The following ABCD2 variants were observed in gnomAD, a reference collection of about 807,000 sequenced individuals.
The protein encoded by ABCD2 is ATP binding cassette subfamily D member 2, also known as ATP-binding cassette sub-family D member 2.
A neutral mutation model predicts 70.9 loss-of-function variants in ABCD2; 36 were observed. The ratio of observed to expected loss-of-function variants is 0.51; its 90% CI spans 0.39 to 0.67. ABCD2 has a LOEUF of 0.67. ABCD2 is among the 30% of genes least tolerant of loss of function. ABCD2 has a pLI of 0.00. For synonymous variants in ABCD2, 304 were observed against 306.9 expected, an observed-to-expected ratio of 0.99 and a Z score of 0.10; for missense variants, 729 against 890.2, an observed-to-expected ratio of 0.82 and a Z score of 2.30.
intron 2 of ABCD2, among the ~76,000 whole-genome samples, chr12:39,614,559 T>C (rs561268839): frequency 8.6e-5 from 13 of 152,042 alleles, no homozygotes; most frequent in African/African-American, 3.1e-4. Context: ...TACCTTTTTT[T>C]TTTGCCTTAA....
At chr12:39,567,104 T>G (rs907880162) in intron 9 of ABCD2, among the ~76,000 whole-genome samples, 1 of 152,196 alleles carries the variant, frequency 6.6e-6, no homozygotes, top group African/African-American at 2.4e-5. Context: ...GAATGTATAT[T>G]GTGTTGATTT....
chr12:39,554,328 A>G (rs1262961842), intron 9 of ABCD2, among the ~76,000 whole-genome samples, 197 bp from the exon 10 acceptor site: 1 of 152,128 alleles, frequency 6.6e-6, no homozygotes, highest in African/African-American at 2.4e-5. Context: ...GATCTTTAGG[A>G]AAATATTATT....
chr12:39,592,234 T>A (rs1941756147), intron 6 of ABCD2, among the ~76,000 whole-genome samples: 1 of 152,224 alleles, frequency 6.6e-6, no homozygotes. Context: ...TACTAAGCCT[T>A]CCTTGTGGTT....
At chr12:39,573,997 C>A (rs921867072) in intron 8 of ABCD2, among the ~76,000 whole-genome samples, 156 bp from the exon 9 acceptor site, 17 of 150,508 alleles carry the variant, frequency 1.1e-4, no homozygotes, top group African/African-American at 4.3e-4. Context: ...AAGTAGTTGT[C>A]CCCTTCTTTG....
chr12:39,583,183 T>C (rs1214188045), intron 7 of ABCD2, among the ~76,000 whole-genome samples: 2 of 152,332 alleles, frequency 1.3e-5, no homozygotes, highest in East Asian at 3.9e-4. Context: ...TGTGTACTCA[T>C]ATGCCACTGT....
At chr12:39,541,497 G>T in the ABCD2 span, among the ~76,000 whole-genome samples, 1 of 152,172 alleles carries the variant, frequency 6.6e-6, no homozygotes, top group Non-Finnish European at 1.5e-5. Context: ...TCAAGAAGAG[G>T]CTTGAGGAGA....
intron 4 of ABCD2, 57 bp from the exon 5 acceptor site, chr12:39,604,063 A>T: frequency 8.0e-7 from 1 of 1,250,716 alleles, no homozygotes; most frequent in East Asian, 2.3e-5. Context: ...TGATTAAATA[A>T]CGTAAATTAT....
In ABCD2 at chr12:39,604,817, A is replaced by T. The variant is rs764045904; in HGVS notation, c.1350T>A (p.His450Gln). 2 of 1,612,238 alleles carry T rather than the reference A, an allele frequency of 1.2e-6. No homozygotes were observed. Among genetic ancestry groups the T allele is most frequent in the Non-Finnish European group, 8.5e-7 (1 of 1,179,102 alleles). ...RTAVIQESES[H>Q]SKNGAKVELP... ...ATTCTACCTTAGCTCCATTCTTGCT[A>T]TGGCTTTCAGATTCTTGAATGACAG... The change falls in exon 4 of 10, where the codon CAT becomes CAA. Residue 450 changes from histidine (H) to glutamine (Q), a missense_variant. By Grantham distance (24) the His-to-Gln change is conservative. Around this residue, in one of 3 missense-constraint regions of ABCD2, gnomAD observed 195 missense variants for 300.2 expected, o/e 0.65. Coordinates refer to ENST00000308666, the MANE Select transcript of ABCD2 (RefSeq NM_005164.4).
intron 9 of ABCD2, among the ~76,000 whole-genome samples, chr12:39,557,001 T>A (rs565629665): frequency 6.6e-6 from 1 of 150,982 alleles, no homozygotes; most frequent in Non-Finnish European, 1.5e-5. Context: ...AAAAAAAGAT[T>A]CCCAAAAATG....
intron 6 of ABCD2, among the ~76,000 whole-genome samples, chr12:39,591,477 C>T (rs1009919100): frequency 1.1e-4 from 16 of 151,990 alleles, no homozygotes; most frequent in African/African-American, 3.9e-4. Flanking sequence ...TTTGGGAGGC[C>T]AAGCTGGGTG....
rs397850115 is a variant in ABCD2, at chr12:39,589,384, G to GTT, written c.1647-3089_1647-3088dup. Among the ~76,000 whole-genome samples, 878 of 125,104 alleles carry GTT rather than the reference G, an allele frequency of 7.0e-3. 13 individuals are homozygous for GTT. Among genetic ancestry groups the GTT allele is most frequent in the South Asian group, 0.019 (77 of 3,958 alleles). 82.1% of individuals were successfully genotyped at this position (125,104 alleles called of 152,430 possible). A position where few individuals can be genotyped will look rare whatever the true frequency, so the allele number is the denominator to read the frequency against. ...CAAATATAAGGAAGCTTTGGTCTGG[G>GTT]TTTTTTTTTTTTTTTTTTTTGAGAC... On this transcript the variant is annotated intron_variant, in intron 6 of 9. Coordinates refer to ENST00000308666, the MANE Select transcript of ABCD2 (RefSeq NM_005164.4).
At chr12:39,532,392 A>G in the ABCD2 span, among the ~76,000 whole-genome samples, 5 of 152,332 alleles carry the variant, frequency 3.3e-5, no homozygotes, top group South Asian at 6.2e-4. Flanking sequence ...TAATCACACA[A>G]ATACAAAGTA....
At chr12:39,600,411 G>A (rs957983029) in intron 6 of ABCD2, among the ~76,000 whole-genome samples, 160 bp downstream of exon 6, 5 of 152,016 alleles carry the variant, frequency 3.3e-5, no homozygotes, top group African/African-American at 1.2e-4. Flanking sequence ...TACAATCAAA[G>A]CAGTAATAAA....
chr12:39,554,012 G>A lies in ABCD2; in HGVS notation c.2123C>T (p.Ala708Val). ...EEKQKLESQL[A>V]GIPKMQQRLN... ...TCTCTGCTGCATTTTGGGAATTCCA[G>A]CTAGCTGAGATTCTAGCTTTTGTTT... Residue 708 changes from alanine to valine, a missense_variant, in exon 10 of 10, where the codon GCT becomes GTT. Physicochemically the swap from Ala to Val is moderately conservative, Grantham distance 64. This residue lies in a region of ABCD2 where 289 missense variants were observed against 328.8 expected (regional missense o/e 0.88). Transcript: ENST00000308666. The A allele has an allele frequency of 6.2e-7, 1 of 1,613,488 alleles. No homozygotes were observed. The highest frequency in any genetic ancestry group is 1.1e-5 in the South Asian group (1 of 91,060).
At chr12:39,540,055 C>T in the ABCD2 span, among the ~76,000 whole-genome samples, 4 of 152,334 alleles carry the variant, frequency 2.6e-5, 1 homozygote, top group South Asian at 6.2e-4. Context: ...TGAGTGCTCA[C>T]AGACAGTTGG....
Position 39,617,157 on chromosome 12 carries a change from T to C in ABCD2, c.951A>G (p.Lys317=). 1 of 1,596,184 alleles carries C rather than the reference T, an allele frequency of 6.3e-7. No individual in the cohort carries two copies. ...AFYRGHKVEM[K]QLQKSYKALA... is the part of the protein sequence containing the mutation. ...AAGCTTTGTAACTTTTCTGAAGTTG[T>C]TTCATTTCTACCTATAGAGAGGAAA... The change falls in exon 2 of 10, where the codon AAA becomes AAG. Residue 317 remains lysine, a synonymous_variant. Coordinates refer to ENST00000308666, the MANE Select transcript of ABCD2 (RefSeq NM_005164.4).
the ABCD2 span, among the ~76,000 whole-genome samples, chr12:39,540,410 C>T: frequency 1.3e-5 from 2 of 152,262 alleles, no homozygotes; most frequent in Middle Eastern, 3.4e-3. Context: ...CATAGCATTA[C>T]GTGACAAAGA....
chr12:39,543,803 G>C, the ABCD2 span, among the ~76,000 whole-genome samples: 10,334 of 152,114 alleles, frequency 0.068, 537 homozygotes, highest in South Asian at 0.28. Context: ...CAGTCATTCT[G>C]TTACTTATTC....
intron 9 of ABCD2, among the ~76,000 whole-genome samples, chr12:39,571,106 T>C (rs536213983): frequency 7.2e-5 from 11 of 152,204 alleles, no homozygotes; most frequent in African/African-American, 2.2e-4. Context: ...AAGGGAACTC[T>C]TACACACCTT....
Sources: gnomAD v4.1 joint callset for allele counts (sites outside exome capture counted in the v4.1 genomes callset) on GRCh38, gnomAD v4.1.1 for gene constraint, gnomAD v4.1.1 regional missense constraint, MANE v1.5 for transcripts, NCBI Gene and HGNC (gene_info 2026-07-23, HGNC 2026-07-21) for gene names.